The following DAAM1 variants were observed in gnomAD, a reference collection of about 807,000 sequenced individuals.
DAAM1 encodes the protein disheveled-associated activator of morphogenesis 1.
In DAAM1, 52 loss-of-function variants were observed where a neutral mutation model predicts 130.0. That is an observed-to-expected ratio of 0.40 (90% confidence interval 0.32 to 0.50). The LOEUF is 0.50. DAAM1 is among the 20% of genes least tolerant of loss of function. The pLI, the probability that DAAM1 is intolerant of heterozygous loss-of-function variation, is 0.61. For synonymous variants in DAAM1, 452 were observed against 444.5 expected (o/e 1.02, Z -0.21); for missense variants, 1,134 against 1,303.8 (o/e 0.87, Z 2.01).
chr14:59,336,312 C>A (rs569324302), intron 15 of DAAM1, among the ~76,000 whole-genome samples: 1 of 152,252 alleles, frequency 6.6e-6, no homozygotes, highest in Admixed American at 6.5e-5. Flanking sequence ...TACTCCAAGC[C>A]CTAAGCTTTA....
chr14:59,324,475 G>A lies in DAAM1; in HGVS notation c.989+21G>A, dbSNP rs202088104. On this transcript the variant is annotated intron_variant, in intron 8 of 24. Coordinates refer to ENST00000360909, the MANE Select transcript of DAAM1 (RefSeq NM_001270520.2). ...GATAGGTAAGTCAGACTATTATGAT[G>A]TGAGAAAGTTTCTGTGTTTCCCATC... The A allele has an allele frequency of 8.7e-6, 13 of 1,494,964 alleles. No homozygotes were observed. The East Asian group carries it at 2.7e-4, about 31-fold the overall frequency. The allele number at this position is 1,494,964 out of a possible 1,614,324, so 92.6% of individuals were successfully genotyped here. A position where few individuals can be genotyped will look rare whatever the true frequency, so the allele number is the denominator to read the frequency against.
chr14:59,253,988 A>T (rs1053077924), intron 1 of DAAM1, among the ~76,000 whole-genome samples: 1 of 152,230 alleles, frequency 6.6e-6, no homozygotes, highest in Non-Finnish European at 1.5e-5. Flanking sequence ...AAAAATGCCT[A>T]ATAATATATT....
intron 20 of DAAM1, among the ~76,000 whole-genome samples, chr14:59,356,818 C>T (rs565821841): frequency 6.6e-6 from 1 of 152,350 alleles, no homozygotes; most frequent in South Asian, 2.1e-4. Context: ...AAAGTACAAG[C>T]CTTTTCAAAA....
At chr14:59,253,550 C>G (rs921502073) in intron 1 of DAAM1, among the ~76,000 whole-genome samples, 1 of 152,150 alleles carries the variant, frequency 6.6e-6, no homozygotes, top group Non-Finnish European at 1.5e-5. Context: ...ATAAAGACCT[C>G]TGGGCAAAAT....
At chr14:59,334,474 C>A (rs184153811) in intron 15 of DAAM1, among the ~76,000 whole-genome samples, 6 of 152,132 alleles carry the variant, frequency 3.9e-5, no homozygotes, top group Non-Finnish European at 7.3e-5. Flanking sequence ...ACACCCTGTT[C>A]AAACTCTCTG....
intron 20 of DAAM1, among the ~76,000 whole-genome samples, chr14:59,358,775 G>C (rs1410367390): frequency 6.6e-6 from 1 of 151,636 alleles, no homozygotes; most frequent in African/African-American, 2.4e-5. Context: ...CCCAGGAGGC[G>C]GAGGTTGCAG....
At position 59,362,017 on chromosome 14, in the gene DAAM1, T is replaced by C. The variant is rs1886721630; in HGVS notation, c.2694+1155T>C. Among the ~76,000 whole-genome samples the C allele has an allele frequency of 8.7e-5, 11 of 126,746 alleles. 1 individual carries two copies. Among genetic ancestry groups the C allele is most frequent in the Admixed American group, 8.3e-4 (10 of 12,076 alleles). 83.2% of individuals were successfully genotyped at this position (126,746 alleles called of 152,430 possible). A position where few individuals can be genotyped will look rare whatever the true frequency, so the allele number is the denominator to read the frequency against. On this transcript the variant is annotated intron_variant, in intron 22 of 24. Transcript: ENST00000360909. Reference sequence around the variant, plus strand: ...AATTAAGGAGCATGTGAGGTTTTTTTCCTTTTTTTTTTTTTTTAATGTAGG... The same window carrying C: ...AATTAAGGAGCATGTGAGGTTTTTTCCCTTTTTTTTTTTTTTTAATGTAGG...
At chr14:59,191,761 G>T (rs1056428363) in intron 1 of DAAM1, among the ~76,000 whole-genome samples, 1 of 152,132 alleles carries the variant, frequency 6.6e-6, no homozygotes, top group Non-Finnish European at 1.5e-5. Context: ...CCCAGGAGGT[G>T]TGTGACACGT....
chr14:59,348,819 T>G (rs1886178555), intron 17 of DAAM1, among the ~76,000 whole-genome samples: 1 of 152,178 alleles, frequency 6.6e-6, no homozygotes. Context: ...GAATGATGTT[T>G]GCAGAGTCAC....
intron 2 of DAAM1, among the ~76,000 whole-genome samples, chr14:59,276,576 C>A (rs1387425692): frequency 6.6e-6 from 1 of 152,096 alleles, no homozygotes; most frequent in Non-Finnish European, 1.5e-5. Context: ...AGGCTTGCAG[C>A]CTGCTGGGCT....
rs777319376 is a variant in DAAM1, at chr14:59,322,923, C to T, written c.472C>T (p.Leu158=). 1.2e-6 allele frequency: 2 copies of T among 1,613,206 alleles called. No individual in the cohort carries two copies. Among genetic ancestry groups the T allele is most frequent in the South Asian group, 2.2e-5 (2 of 90,972 alleles). The part of the protein sequence containing the change: ...FVTRFIDLDG[L]SCILNFLKTM... The stretch of plus-strand genomic sequence containing the variant: ...AACCAGATTCATCGACTTGGATGGC[C>T]TATCATGTATCCTCAACTTTCTAAA... Residue 158 remains leucine (L), a synonymous_variant, in exon 6 of 25, where the codon CTA becomes TTA. Transcript: ENST00000360909.
At chr14:59,348,468 G>A (rs1336843741) in intron 17 of DAAM1, among the ~76,000 whole-genome samples, 1 of 152,116 alleles carries the variant, frequency 6.6e-6, no homozygotes, top group Non-Finnish European at 1.5e-5. Context: ...TGTGCTCTGT[G>A]GTGATAGTCT....
rs140059787 is a variant in DAAM1 at position 59,337,494 on chromosome 14, T to C, written c.1969-2580T>C. Reference sequence around the variant, plus strand: ...CTTAAGGAATCTGCTGAGCAAATGCTGGTTGTGCAAGCTGTTGGCCCGAAA... The same window carrying C: ...CTTAAGGAATCTGCTGAGCAAATGCCGGTTGTGCAAGCTGTTGGCCCGAAA... On this transcript the variant is annotated intron_variant, in intron 15 of 24. Transcript: ENST00000360909. Among the ~76,000 whole-genome samples, 40 of 152,372 alleles carry C rather than the reference T, an allele frequency of 2.6e-4. 1 individual carries two copies. Among genetic ancestry groups the C allele is most frequent in the African/African-American group, 8.9e-4 (37 of 41,588 alleles).
chr14:59,314,977 C>T (rs1437627959), intron 3 of DAAM1, among the ~76,000 whole-genome samples: 1 of 152,140 alleles, frequency 6.6e-6, no homozygotes, highest in Non-Finnish European at 1.5e-5. Context: ...TGTGACATAG[C>T]CCCTGAAGGA....
chr14:59,230,815 G>A (rs1199296576), intron 1 of DAAM1, among the ~76,000 whole-genome samples: 2 of 152,118 alleles, frequency 1.3e-5, no homozygotes, highest in African/African-American at 2.4e-5. Context: ...ATTTCACAGT[G>A]CATGCCTGTA....
chr14:59,334,365 A>T (rs1010424449), intron 15 of DAAM1, among the ~76,000 whole-genome samples: 2 of 152,188 alleles, frequency 1.3e-5, no homozygotes, highest in Non-Finnish European at 2.9e-5. Context: ...GCAGTGCATT[A>T]TATAATTCAC....
chr14:59,232,873 A>G (rs1889156691), intron 1 of DAAM1, among the ~76,000 whole-genome samples: 1 of 151,840 alleles, frequency 6.6e-6, no homozygotes, highest in Non-Finnish European at 1.5e-5. Flanking sequence ...GCTCCCACTT[A>G]TGAGTGAGAA....
chr14:59,229,350 T>C (rs1018472079), intron 1 of DAAM1, among the ~76,000 whole-genome samples: 3 of 152,228 alleles, frequency 2.0e-5, no homozygotes, highest in Non-Finnish European at 2.9e-5. Context: ...CGTGCAAGGA[T>C]TTAACCCTAA....
intron 1 of DAAM1, among the ~76,000 whole-genome samples, chr14:59,258,949 C>T (rs926846829): frequency 6.6e-6 from 1 of 152,130 alleles, no homozygotes; most frequent in Admixed American, 6.5e-5. Context: ...TCTTATTACC[C>T]ATCTCCGAAA....
Sources: allele counts gnomAD v4.1 joint callset (sites outside exome capture counted in the v4.1 genomes callset), GRCh38; gene constraint gnomAD v4.1.1; transcripts MANE v1.5; gene names NCBI Gene and HGNC (gene_info 2026-07-23, HGNC 2026-07-21).